The following ADGRL3 variants were observed in gnomAD, a reference collection of about 807,000 sequenced individuals.
The protein encoded by ADGRL3 is adhesion G protein-coupled receptor L3.
In ADGRL3, 62 loss-of-function variants were observed where a neutral mutation model predicts 153.5. That is an observed-to-expected ratio of 0.40 (90% CI 0.33 to 0.50). The LOEUF is 0.50. Ranked by LOEUF, ADGRL3 falls within the 20% of genes least tolerant of loss-of-function variation. The pLI, the probability that ADGRL3 is intolerant of heterozygous loss-of-function variation, is 0.47. For missense variants in ADGRL3, 1,641 were observed against 1,859.4 expected (o/e 0.88, Z 2.16); for synonymous variants, 710 against 672.5 (o/e 1.06, Z -0.86).
At chr4:61,503,681 AT>A (rs1360802420) in intron 3 of ADGRL3, among the ~76,000 whole-genome samples, 1 of 152,052 alleles carries the variant, frequency 6.6e-6, no homozygotes, top group Non-Finnish European at 1.5e-5. Flanking sequence ...TAGCTTTTAA[AT>A]TTTTTATTTT....
intron 2 of ADGRL3, among the ~76,000 whole-genome samples, chr4:61,485,121 T>G (rs758192120): frequency 2.6e-5 from 4 of 152,164 alleles, no homozygotes; most frequent in Admixed American, 6.5e-5. Context: ...TGATATTCTA[T>G]AATGGGCCAT....
rs565675418 is a variant in ADGRL3 at position 61,554,339 on chromosome 4, G to A, written c.260-32888G>A. On this transcript the variant is annotated intron_variant, in intron 4 of 26. Coordinates refer to ENST00000683033, the MANE Select transcript of ADGRL3 (RefSeq NM_001387552.1). ...CTCCAGATTAGCTGGGATTACAGGCGCGTGCCACCACGTCTAGCTAATTTT... is the reference window on the plus strand; with the variant it reads ...CTCCAGATTAGCTGGGATTACAGGCACGTGCCACCACGTCTAGCTAATTTT... Among the ~76,000 whole-genome samples the A allele has an allele frequency of 1.0e-3, 157 of 151,810 alleles. 1 individual carries two copies. Among genetic ancestry groups the A allele is most frequent in the African/African-American group, 3.7e-3 (153 of 41,394 alleles).
At chr4:61,409,371 A>ATTAGACATATATTATATATATATT (rs112488684) in intron 2 of ADGRL3, among the ~76,000 whole-genome samples, 1 of 141,876 alleles carries the variant, frequency 7.0e-6, no homozygotes, top group Non-Finnish European at 1.5e-5. Flanking sequence ...TTATATATAT[A>ATTAGACATATATTATATATATATT]AGACATATAT....
At chr4:61,641,443 C>T (rs1164329357) in intron 5 of ADGRL3, among the ~76,000 whole-genome samples, 1 of 119,394 alleles carries the variant, frequency 8.4e-6, no homozygotes, top group African/African-American at 3.1e-5. Flanking sequence ...CCCCTCCCCC[C>T]ACCCCACAAC....
intron 4 of ADGRL3, among the ~76,000 whole-genome samples, chr4:61,559,353 G>A (rs912793561): frequency 2.6e-5 from 4 of 152,006 alleles, no homozygotes; most frequent in East Asian, 1.9e-4. Flanking sequence ...TAATTTTTGT[G>A]GATGATTTGA....
At chr4:61,426,674 C>A (rs2097286490) in intron 2 of ADGRL3, 1 of 152,318 alleles carries the variant, frequency 6.6e-6, no homozygotes, top group South Asian at 2.1e-4. Context: ...AAGCCAGGCA[C>A]CTTGGCCAGT....
Position 62,037,758 on chromosome 4 carries a change from C to T in ADGRL3, c.3619C>T (p.Arg1207Ter). 1 of 1,613,670 alleles carries T rather than the reference C, an allele frequency of 6.2e-7. No individual in the cohort carries two copies. The highest frequency in any genetic ancestry group is 8.5e-7 in the Non-Finnish European group (1 of 1,179,724). Residue 1207 changes from arginine to a stop codon, truncating the protein, a stop_gained, in exon 24 of 27, where the codon CGA becomes TGA. Coordinates refer to ENST00000683033, the MANE Select transcript of ADGRL3 (RefSeq NM_001387552.1). LOFTEE classifies it high-confidence loss of function. ...ACGAAAAGAGTATGGGAAATGCCTG[C>T]GAACACATTGCTGTAGTGGCAAAAG... Reference protein sequence around the residue: ...KVRKEYGKCLRTHCCSGKSTE... With the variant: ...KVRKEYGKCL
At chr4:61,705,844 T>A (rs895854815) in intron 6 of ADGRL3, among the ~76,000 whole-genome samples, 9 of 152,096 alleles carry the variant, frequency 5.9e-5, no homozygotes, top group Non-Finnish European at 1.2e-4. Flanking sequence ...TCTGAGCAGG[T>A]CTCAAAAGAG....
chr4:61,234,028 A>C lies in ADGRL3; in HGVS notation c.-240+32263A>C, dbSNP rs116436146. On this transcript the variant is annotated intron_variant, in intron 1 of 26. Transcript: ENST00000683033. ...AAGGGAGAGAAATTATTTTCAATGTAGGACATTTCTATCTCCTACAAGTGG... is the reference window on the plus strand; with the variant it reads ...AAGGGAGAGAAATTATTTTCAATGTCGGACATTTCTATCTCCTACAAGTGG... Among the ~76,000 whole-genome samples the C allele has an allele frequency of 6.2e-3, 948 of 152,232 alleles. 12 individuals are homozygous for C. Among genetic ancestry groups the C allele is most frequent in the African/African-American group, 0.022 (900 of 41,546 alleles).
intron 4 of ADGRL3, among the ~76,000 whole-genome samples, chr4:61,581,112 G>A (rs2098922925): frequency 6.6e-6 from 1 of 152,044 alleles, no homozygotes; most frequent in Admixed American, 6.6e-5. Flanking sequence ...TAGCAAAGAA[G>A]AAAGAATATT....
chr4:61,721,282 A>G (rs1561122741), intron 6 of ADGRL3, among the ~76,000 whole-genome samples: 1 of 152,144 alleles, frequency 6.6e-6, no homozygotes, highest in Admixed American at 6.5e-5. Flanking sequence ...CTGAGTCCCA[A>G]AACCTCAAAA....
intron 10 of ADGRL3, among the ~76,000 whole-genome samples, chr4:61,893,355 G>A (rs570157463): frequency 6.6e-6 from 1 of 152,164 alleles, no homozygotes; most frequent in Admixed American, 6.5e-5. Flanking sequence ...GGCTGTAGAT[G>A]TACTGGCTAC....
At chr4:61,499,696 A>G (rs1252467093) in intron 3 of ADGRL3, among the ~76,000 whole-genome samples, 2 of 152,144 alleles carry the variant, frequency 1.3e-5, no homozygotes, top group African/African-American at 4.8e-5. Context: ...ATAAAAGCTG[A>G]TATATTTAAT....
chr4:61,326,015 G>A (rs895516407), intron 1 of ADGRL3, among the ~76,000 whole-genome samples: 57 of 152,210 alleles, frequency 3.7e-4, no homozygotes, highest in African/African-American at 1.3e-3. Context: ...CACAGGTGAG[G>A]AATAAGGGTC....
chr4:61,469,936 CA>C (rs61312011), intron 2 of ADGRL3, among the ~76,000 whole-genome samples: 7 of 148,356 alleles, frequency 4.7e-5, no homozygotes, highest in Non-Finnish European at 7.5e-5. Flanking sequence ...AAAAACAAAA[CA>C]AAAAAAAACA....
At chr4:61,858,245 T>A (rs1225582337) in intron 9 of ADGRL3, among the ~76,000 whole-genome samples, 2 of 152,178 alleles carry the variant, frequency 1.3e-5, no homozygotes, top group African/African-American at 4.8e-5. Context: ...ATGGCCTCCC[T>A]CACTGCTCAG....
At chr4:61,960,642 G>A (rs564310361) in intron 17 of ADGRL3, among the ~76,000 whole-genome samples, 1 of 152,270 alleles carries the variant, frequency 6.6e-6, no homozygotes, top group East Asian at 1.9e-4. Context: ...CCATGCCCAT[G>A]TGCAGATCCT....
intron 2 of ADGRL3, among the ~76,000 whole-genome samples, chr4:61,418,547 G>A (rs2097169547): frequency 6.6e-6 from 1 of 150,498 alleles, no homozygotes; most frequent in Non-Finnish European, 1.5e-5. Flanking sequence ...TCTTCCTATT[G>A]ATACTTTCTC....
chr4:61,662,164 G>T (rs2094616039), intron 5 of ADGRL3, among the ~76,000 whole-genome samples: 2 of 152,190 alleles, frequency 1.3e-5, no homozygotes, highest in African/African-American at 2.4e-5. Flanking sequence ...CAGGAGCCTC[G>T]TGCTCCCTGT....
Sources: allele counts gnomAD v4.1 joint callset (sites outside exome capture counted in the v4.1 genomes callset), GRCh38; gene constraint gnomAD v4.1.1; transcripts MANE v1.5; gene names NCBI Gene and HGNC (gene_info 2026-07-23, HGNC 2026-07-21).